Variants in ARHGAP35 observed in about 807,000 individuals in gnomAD.
ARHGAP35 encodes the protein Rho GTPase activating protein 35.
In ARHGAP35, 15 loss-of-function variants were observed where a neutral mutation model predicts 111.1. That is an observed-to-expected ratio of 0.13 (90% confidence interval 0.09 to 0.21). The LOEUF (loss-of-function observed/expected upper bound fraction) is 0.21, where lower values mean the gene tolerates loss of function less well. ARHGAP35 is among the 10% of genes least tolerant of loss of function. ARHGAP35 has a pLI of 1.00. For synonymous variants in ARHGAP35, 643 were observed against 710.3 expected, an observed-to-expected ratio of 0.91 and a Z score of 1.51; for missense variants, 1,262 against 1,873.0, an observed-to-expected ratio of 0.67 and a Z score of 6.02.
intron 2 of ARHGAP35, among the ~76,000 whole-genome samples, chr19:46,929,335 A>G (rs997672435): frequency 1.1e-4 from 16 of 152,308 alleles, no homozygotes; most frequent in African/African-American, 3.6e-4. Flanking sequence ...ATAATTGCCA[A>G]TCAGAAAGGC....
intron 2 of ARHGAP35, among the ~76,000 whole-genome samples, chr19:46,936,819 C>T (rs1398011077): frequency 6.7e-6 from 1 of 150,290 alleles, no homozygotes; most frequent in African/African-American, 2.5e-5. Context: ...ATGAGCCAAG[C>T]GAATCTTTTT....
chr19:46,998,367 G>C (rs1001662813), intron 5 of ARHGAP35, among the ~76,000 whole-genome samples: 4 of 152,170 alleles, frequency 2.6e-5, no homozygotes, highest in Non-Finnish European at 4.4e-5. Context: ...GAGCCCTGGA[G>C]TCCACGAAGG....
At chr19:46,880,088 A>AAAATAAATAAATAAATAAAT (rs112300759) in intron 1 of ARHGAP35, among the ~76,000 whole-genome samples, 1 of 151,586 alleles carries the variant, frequency 6.6e-6, no homozygotes, top group Non-Finnish European at 1.5e-5. Context: ...AATGTCTCAA[A>AAAATAAATAAATAAATAAAT]AAATAAATAA....
In ARHGAP35 at chr19:46,940,343, G is replaced by T. The variant is rs571594728; in HGVS notation, c.3826+2935G>T. On this transcript the variant is annotated intron_variant, in intron 3 of 6. Transcript: ENST00000672722. The stretch of plus-strand genomic sequence containing the variant: ...CATTGCACTCCAGCCTGGCCAACAA[G>T]AGCAAAACTGTGTCTCAAAAAAAAA... 4.3e-3 allele frequency among the ~76,000 whole-genome samples: 593 copies of T among 137,576 alleles called. 3 individuals are homozygous for T. The highest frequency in any genetic ancestry group is 0.016 in the Middle Eastern group (4 of 246). The allele number at this position is 137,576 out of a possible 152,430, so 90.3% of individuals were successfully genotyped here.
At position 46,996,562 on chromosome 19, in the gene ARHGAP35, CCAGAG is replaced by C. The variant is rs2056709582; in HGVS notation, c.4037-2741_4037-2737del. ...TGCCAGCCCCGTTTCCTGCCTCCAG[CCAGAG>C]GACGGGATGAGACCCAGCTCTTATG... On this transcript the variant is annotated intron_variant, in intron 5 of 6. Coordinates refer to ENST00000672722, the MANE Select transcript of ARHGAP35 (RefSeq NM_004491.5). 3.9e-5 allele frequency among the ~76,000 whole-genome samples: 6 copies of C among 152,232 alleles called. No individual in the cohort carries two copies. In the South Asian group the frequency reaches 1.0e-3, roughly 26 times the overall value.
At chr19:46,947,374 G>C (rs1451160574) in intron 3 of ARHGAP35, 1 of 152,184 alleles carries the variant, frequency 6.6e-6, no homozygotes, top group Admixed American at 6.5e-5. Context: ...ACAGGACCCA[G>C]TGTTGGTGAG....
chr19:46,880,975 GTC>G lies in ARHGAP35; in HGVS notation c.-189+19770_-189+19771del, dbSNP rs1254511872. The stretch of plus-strand genomic sequence containing the variant: ...TTTTTTTTTTTTTTTTTGAGATGGA[GTC>G]TCTGTCACTCAGGCTGGAGTGCAAT... On this transcript the variant is annotated intron_variant, in intron 1 of 6. Transcript: ENST00000672722. Among the ~76,000 whole-genome samples, 8 of 143,102 alleles carry G rather than the reference GTC, an allele frequency of 5.6e-5. No individual in the cohort carries two copies. The Admixed American group carries it at 5.7e-4, about 10-fold the overall frequency. The allele number at this position is 143,102 out of a possible 152,430, so 93.9% of individuals were successfully genotyped here.
In ARHGAP35 at chr19:46,989,719, G is replaced by T; in HGVS notation, c.4036+44G>T. 6.2e-7 allele frequency: 1 copy of T among 1,611,198 alleles called. No homozygotes were observed. The highest frequency in any genetic ancestry group is 8.5e-7 in the Non-Finnish European group (1 of 1,178,704). On this transcript the variant is annotated intron_variant, in intron 5 of 6. Coordinates refer to ENST00000672722, the MANE Select transcript of ARHGAP35 (RefSeq NM_004491.5). The surrounding 1 kb of genome is among the most constrained non-coding windows in gnomAD (Gnocchi z 5.3). ...GTGTTGGGCGGATTGAGGGAGAAAG[G>T]GCTTGGCACTGGAAGAATAGGTCCT... is the stretch of plus-strand genomic sequence containing the variant.
At chr19:46,950,792 C>G (rs1297127923) in intron 3 of ARHGAP35, among the ~76,000 whole-genome samples, 9 of 152,110 alleles carry the variant, frequency 5.9e-5, no homozygotes. Context: ...TCTTGATGAC[C>G]CCATGGTTTT....
intron 3 of ARHGAP35, among the ~76,000 whole-genome samples, chr19:46,971,084 G>A (rs2056544997): frequency 2.0e-5 from 3 of 152,128 alleles, no homozygotes; most frequent in Non-Finnish European, 4.4e-5. Context: ...TCCATTTCCA[G>A]TGTCTCACCT....
intron 3 of ARHGAP35, among the ~76,000 whole-genome samples, chr19:46,941,507 G>T (rs1228083580): frequency 1.3e-5 from 2 of 151,456 alleles, no homozygotes; most frequent in African/African-American, 2.4e-5. Context: ...GTTCAAGGCT[G>T]CAAGTGAGCT....
chr19:46,947,124 C>T (rs1243143586), intron 3 of ARHGAP35: 1 of 152,180 alleles, frequency 6.6e-6, no homozygotes, highest in Non-Finnish European at 1.5e-5. Flanking sequence ...TCTTTAATAG[C>T]TTTAAGCTTA....
chr19:46,984,061 A>G (rs1254936985), intron 3 of ARHGAP35, among the ~76,000 whole-genome samples: 1 of 152,228 alleles, frequency 6.6e-6, no homozygotes, highest in African/African-American at 2.4e-5. Context: ...TAACTTAAAC[A>G]TAGAAGATAA....
intron 2 of ARHGAP35, 108 bp from the exon 3 acceptor site, chr19:46,937,156 T>C: frequency 7.5e-7 from 1 of 1,331,378 alleles, no homozygotes; most frequent in South Asian, 1.4e-5. Context: ...TGACATTCTT[T>C]CTAGCAGTTT....
In ARHGAP35 at chr19:46,919,187, A is replaced by G. The variant is rs1297178423; in HGVS notation, c.512A>G (p.Asn171Ser). The change falls in exon 2 of 7, where the codon AAT (asparagine) becomes AGT (serine). Residue 171 changes from asparagine (N) to serine (S), a missense_variant. Physicochemically the swap from Asn to Ser is conservative, Grantham distance 46. Around this residue, in one of 8 missense-constraint regions of ARHGAP35, gnomAD observed 125 missense variants for 301.7 expected, o/e 0.41. Transcript: ENST00000672722. This position sits in a 1 kb window ranked among gnomAD's most constrained non-coding sequence, Gnocchi z 6.2. ...LLGIDVSRGM[N>S]RNFDDQLKFV... ...GGTATTGATGTTAGCAGGGGCATGA[A>G]TAGGAACTTTGATGACCAGCTCAAG... The G allele has an allele frequency of 3.1e-6, 5 of 1,613,862 alleles. No homozygotes were observed. Among genetic ancestry groups the G allele is most frequent in the Admixed American group, 3.3e-5 (2 of 59,998 alleles).
chr19:46,878,405 C>G (rs138597573), intron 1 of ARHGAP35, among the ~76,000 whole-genome samples: 1 of 152,274 alleles, frequency 6.6e-6, no homozygotes, highest in Non-Finnish European at 1.5e-5. Flanking sequence ...ACTGCAACGT[C>G]TCTCGGGTTC....
At chr19:46,979,697 C>T (rs773521048) in intron 3 of ARHGAP35, among the ~76,000 whole-genome samples, 2 of 152,160 alleles carry the variant, frequency 1.3e-5, no homozygotes, top group African/African-American at 2.4e-5. Context: ...TGGCCGTGTG[C>T]GCATCGCTGG....
At chr19:46,924,595 C>A (rs548996637) in intron 2 of ARHGAP35, among the ~76,000 whole-genome samples, 6 of 152,302 alleles carry the variant, frequency 3.9e-5, no homozygotes, top group African/African-American at 1.4e-4. Context: ...AGGAGGCCAC[C>A]CTGTGGAAAG....
intron 3 of ARHGAP35, among the ~76,000 whole-genome samples, chr19:46,977,222 C>G (rs911793112): frequency 9.2e-5 from 14 of 152,240 alleles, no homozygotes; most frequent in Admixed American, 2.0e-4. Context: ...ACAGCCAGGT[C>G]TGGAGACCAG....
Sources: allele counts gnomAD v4.1 joint callset (sites outside exome capture counted in the v4.1 genomes callset), GRCh38; gene constraint gnomAD v4.1.1; regional missense constraint gnomAD v4.1.1; non-coding constraint Gnocchi (gnomAD v3.1); transcripts MANE v1.5; gene names NCBI Gene and HGNC (gene_info 2026-07-23, HGNC 2026-07-21).